TTC7A: variants seen among roughly 807,000 people sequenced by gnomAD.
TTC7A encodes the protein tetratricopeptide repeat domain 7A.
In TTC7A, 110 loss-of-function variants were observed where a neutral mutation model predicts 103.7. That is an observed-to-expected ratio of 1.06 (90% CI 0.91 to 1.24). The LOEUF (loss-of-function observed/expected upper bound fraction) is 1.24, where lower values mean the gene tolerates loss of function less well. TTC7A is among the 50% of genes most tolerant of loss of function. The pLI, the probability that TTC7A is intolerant of heterozygous loss-of-function variation, is 0.00. For synonymous variants in TTC7A, 521 were observed against 467.9 expected (o/e 1.11, Z -1.47); for missense variants, 1,340 against 1,116.3 (o/e 1.20, Z -2.86).
rs1351303492 is a variant in TTC7A at position 47,073,990 on chromosome 2, G to GT, written c.*68dup. On this transcript the variant is annotated 3_prime_UTR_variant, in exon 20 of 20. Coordinates refer to ENST00000319190, the MANE Select transcript of TTC7A (RefSeq NM_020458.4). ...GAGGCAGCAGGGAACGTGGGTCAGG[G>GT]TGGGGCAACAGTGGCATCAGGTGCG... is the stretch of plus-strand genomic sequence containing the variant. 4 of 1,354,964 alleles carry GT rather than the reference G, an allele frequency of 3.0e-6. No homozygotes were observed. The Admixed American group carries it at 7.7e-5, about 26-fold the overall frequency. 83.9% of individuals were successfully genotyped at this position (1,354,964 alleles called of 1,614,324 possible). A position where few individuals can be genotyped will look rare whatever the true frequency, so the allele number is the denominator to read the frequency against.
Position 46,941,609 on chromosome 2 carries a change from A to G in TTC7A, c.68A>G (p.Glu23Gly). The change falls in exon 1 of 20, where the codon GAG becomes GGG. Residue 23 changes from glutamate (E) to glycine (G), a missense_variant. Coordinates refer to ENST00000319190, the MANE Select transcript of TTC7A (RefSeq NM_020458.4). The surrounding 1 kb of genome is among the most constrained non-coding windows in gnomAD (Gnocchi z 4.2). ...AGCGAGCTGGAGCGCTGCCGCGCCG[A>G]GGGCCACTGGGACCGCATGCCGGAG... ...VESELERCRA[E>G]GHWDRMPELV... 5 of 1,556,644 alleles carry G rather than the reference A, an allele frequency of 3.2e-6. No homozygotes were observed. The highest frequency in any genetic ancestry group is 4.3e-6 in the Non-Finnish European group (5 of 1,150,772).
At chr2:46,971,148 G>A (rs892698949) in intron 3 of TTC7A, among the ~76,000 whole-genome samples, 3 of 152,232 alleles carry the variant, frequency 2.0e-5, no homozygotes, top group Admixed American at 6.5e-5. Flanking sequence ...AAGTAAACAC[G>A]ATTAGGTTGA....
chr2:46,961,429 T>C (rs1023120495), intron 3 of TTC7A, among the ~76,000 whole-genome samples: 1 of 151,742 alleles, frequency 6.6e-6, no homozygotes, highest in African/African-American at 2.4e-5. Context: ...TACAAAAAAT[T>C]AGCTGGGTCT....
At chr2:47,060,998 CCA>C in intron 19 of TTC7A, 27 bp downstream of exon 19, 1 of 1,555,264 alleles carries the variant, frequency 6.4e-7, no homozygotes, top group Non-Finnish European at 8.7e-7. Flanking sequence ...CGCGCTCCCA[CCA>C]CCTCCTCCCA....
At chr2:46,919,458 G>T (rs796233607) in intron 2 of TTC7A, among the ~76,000 whole-genome samples, 1 of 152,180 alleles carries the variant, frequency 6.6e-6, no homozygotes, top group Admixed American at 6.5e-5. Context: ...GCTTGAACCC[G>T]GGCAGCAGAG....
chr2:47,024,993 T>C (rs1679729522), intron 14 of TTC7A, among the ~76,000 whole-genome samples: 1 of 152,244 alleles, frequency 6.6e-6, no homozygotes, highest in African/African-American at 2.4e-5. Flanking sequence ...AGGCTGGCGC[T>C]CTGGGCATGC....
At chr2:46,934,694 A>AACAAAT (rs1243403521) in intron 2 of TTC7A, among the ~76,000 whole-genome samples, 1 of 151,488 alleles carries the variant, frequency 6.6e-6, no homozygotes, top group Non-Finnish European at 1.5e-5. Context: ...CAAAAACAAA[A>AACAAAT]ACAAACAAAC....
At chr2:46,995,312 T>C in intron 8 of TTC7A, 113 bp downstream of exon 8, 1 of 1,041,282 alleles carries the variant, frequency 9.6e-7, no homozygotes, top group South Asian at 1.4e-5. Flanking sequence ...CTCCCAGGGA[T>C]ACTCCTAAAG....
chr2:46,996,762 C>T (rs1466933786), intron 8 of TTC7A, among the ~76,000 whole-genome samples: 1 of 152,198 alleles, frequency 6.6e-6, no homozygotes, highest in Non-Finnish European at 1.5e-5. Flanking sequence ...TGTGCCACAT[C>T]TGATTTTCAT....
intron 8 of TTC7A, among the ~76,000 whole-genome samples, chr2:47,001,015 T>C (rs1330938360): frequency 2.0e-5 from 3 of 152,152 alleles, no homozygotes; most frequent in East Asian, 3.9e-4. Context: ...AGTCAGAATG[T>C]CTGGGCTCTA....
In TTC7A at chr2:46,994,377, G is replaced by A. The variant is rs1413098454; in HGVS notation, c.864G>A (p.Ala288=). 10 of 1,612,940 alleles carry A rather than the reference G, an allele frequency of 6.2e-6. 1 individual carries two copies. Among genetic ancestry groups the A allele is most frequent in the East Asian group, 4.5e-5 (2 of 44,858 alleles). ...NFKVMAAKHL[A]GVLLHSLSEE... ...GCCAGATGGCGGCCAAGCACCTGGCGGGGGTCCTGCTGCACTCCCTGAGTG... is the reference window on the plus strand; with the variant it reads ...GCCAGATGGCGGCCAAGCACCTGGCAGGGGTCCTGCTGCACTCCCTGAGTG... The change falls in exon 7 of 20, where the codon GCG becomes GCA. Residue 288 remains alanine (A), a synonymous_variant. Transcript: ENST00000319190.
upstream of TTC7A, chr2:46,916,099 A>G: frequency 1.0e-6 from 1 of 985,584 alleles, no homozygotes; most frequent in Non-Finnish European, 1.2e-6. Flanking sequence ...CGGGCGACGT[A>G]GGATGGCGGA....
chr2:46,935,536 A>G (rs1322286912), intron 2 of TTC7A, among the ~76,000 whole-genome samples: 1 of 152,220 alleles, frequency 6.6e-6, no homozygotes, highest in Non-Finnish European at 1.5e-5. Flanking sequence ...CATGAGAACA[A>G]GCTAAGCTTT....
intron 18 of TTC7A, among the ~76,000 whole-genome samples, chr2:47,057,147 C>T (rs986758477): frequency 1.3e-5 from 2 of 152,242 alleles, no homozygotes. Flanking sequence ...TGCTCAGGGA[C>T]ACTGAGACTA....
chr2:46,981,451 G>C (rs1164995777), intron 5 of TTC7A, among the ~76,000 whole-genome samples: 1 of 152,146 alleles, frequency 6.6e-6, no homozygotes, highest in Admixed American at 6.5e-5. Context: ...TCTGGGCTTT[G>C]GTGGGGGCAG....
intron 5 of TTC7A, 86 bp from the exon 6 acceptor site, chr2:46,993,364 C>A (rs1675818725): frequency 1.6e-6 from 2 of 1,284,390 alleles, no homozygotes; most frequent in Admixed American, 1.7e-5. Context: ...GCAGTCAGCT[C>A]CTCCTGGGGT....
In TTC7A at chr2:47,046,311, A is replaced by G; in HGVS notation, c.1803-4A>G. The G allele has an allele frequency of 1.9e-6, 3 of 1,613,100 alleles. No homozygotes were observed. Among genetic ancestry groups the G allele is most frequent in the South Asian group, 1.1e-5 (1 of 91,046 alleles). Reference sequence around the variant, plus strand: ...GTGCTGATGGCCACTCTCCGTCCCCACAGCCTGATGTTCACCAAGGTGAAG... The same window carrying G: ...GTGCTGATGGCCACTCTCCGTCCCCGCAGCCTGATGTTCACCAAGGTGAAG... On this transcript the variant is annotated splice_region_variant and splice_polypyrimidine_tract_variant and intron_variant, in intron 15 of 19. Transcript: ENST00000319190.
At chr2:46,989,760 T>C (rs1675417206) in intron 5 of TTC7A, among the ~76,000 whole-genome samples, 1 of 151,992 alleles carries the variant, frequency 6.6e-6, no homozygotes, top group Non-Finnish European at 1.5e-5. Context: ...AGATACAGAA[T>C]CTTAAGATGC....
chr2:47,044,922 A>G (rs994946480), intron 15 of TTC7A, among the ~76,000 whole-genome samples: 1 of 152,206 alleles, frequency 6.6e-6, no homozygotes, highest in African/African-American at 2.4e-5. Context: ...GAGAGAGAAG[A>G]TCAGAGGGGC....
Sources: gnomAD v4.1 joint callset for allele counts (sites outside exome capture counted in the v4.1 genomes callset) on GRCh38, gnomAD v4.1.1 for gene constraint, Gnocchi (gnomAD v3.1) non-coding constraint, MANE v1.5 for transcripts, NCBI Gene and HGNC (gene_info 2026-07-23, HGNC 2026-07-21) for gene names.